XRCC1: variants seen among roughly 807,000 people sequenced by gnomAD.
XRCC1 encodes DNA repair protein XRCC1.
XRCC1 carries 52 observed loss-of-function variants against 83.3 expected under a neutral mutation model. The observed-to-expected ratio is 0.62, with a 90% CI of 0.50 to 0.79. The LOEUF (loss-of-function observed/expected upper bound fraction) is 0.79, where lower values mean the gene tolerates loss of function less well. Among genes scored for constraint, XRCC1 ranks in the 30% least tolerant of loss-of-function variants. The pLI is 0.00. For synonymous variants in XRCC1, 281 were observed against 312.6 expected, an observed-to-expected ratio of 0.90 and a Z score of 1.07; for missense variants, 793 against 823.5, an observed-to-expected ratio of 0.96 and a Z score of 0.45.
chr19:43,546,903 G>C lies in XRCC1; in HGVS notation c.1274C>G (p.Ala425Gly). 1 of 1,614,002 alleles carries C rather than the reference G, an allele frequency of 6.2e-7. No homozygotes were observed. Among genetic ancestry groups the C allele is most frequent in the Non-Finnish European group, 8.5e-7 (1 of 1,179,992 alleles). Residue 425 changes from alanine to glycine, a missense_variant, in exon 11 of 17, where the codon GCC becomes GGC. Transcript: ENST00000262887. ...ASHSGGSGDE[A>G]PKLPQKQPQT... ...TCAGACCTTCTGAGGAAGCTTGGGG[G>C]CTTCATCTCCGCTGCCACCGCTGTG...
In XRCC1 at chr19:43,553,499, G is replaced by T. The variant is rs778597797; in HGVS notation, c.503C>A (p.Thr168Asn). The T allele has an allele frequency of 3.7e-6, 6 of 1,614,134 alleles. No homozygotes were observed. The South Asian group carries it at 6.6e-5, about 18-fold the overall frequency. ...AEAPSQKVTV[T>N]KLGQFRVKEE... ...CTTCACACGGAACTGGCCAAGCTTG[G>T]TCACTGTCACCTTCTAAGGTCCCGC... The change falls in exon 6 of 17, where the codon ACC (threonine) becomes AAC (asparagine). Residue 168 changes from threonine (T) to asparagine (N), a missense_variant. Transcript: ENST00000262887.
At position 43,567,751 on chromosome 19, in the gene XRCC1, G is replaced by A. The variant is rs561102822; in HGVS notation, c.145-6731C>T. ...ACCGATGGCCTGGGTTCGTGTGCAT[G>A]CAGCTTTCTCAGGGAGACACAGTTC... On this transcript the variant is annotated intron_variant, in intron 2 of 16. Transcript: ENST00000262887. Among the ~76,000 whole-genome samples, 13 of 152,250 alleles carry A rather than the reference G, an allele frequency of 8.5e-5. No homozygotes were observed. In the South Asian group the frequency reaches 2.7e-3, roughly 32 times the overall value.
chr19:43,544,169 T>G lies in XRCC1; in HGVS notation c.1687A>C (p.Ile563Leu), dbSNP rs1972484640. The G allele has an allele frequency of 6.2e-7, 1 of 1,610,156 alleles. No homozygotes were observed. Among genetic ancestry groups the G allele is most frequent in the African/African-American group, 1.3e-5 (1 of 74,866 alleles). ...EFPGDERRKLIRYVTAFNGEL... is the reference protein window; with the variant it reads ...EFPGDERRKLLRYVTAFNGEL... ...CCATTGAAGGCTGTGACGTATCGGA[T>G]GAGTTTCCGCCGCTCGTCCCCAGGG... Residue 563 changes from isoleucine (I) to leucine (L), a missense_variant, in exon 15 of 17, where the codon ATC becomes CTC. Physicochemically the swap from Ile to Leu is conservative, Grantham distance 5. Transcript: ENST00000262887.
At chr19:43,567,876 C>CTT (rs71336880) in intron 2 of XRCC1, among the ~76,000 whole-genome samples, 10 of 124,686 alleles carry the variant, frequency 8.0e-5, no homozygotes, top group Admixed American at 5.8e-4. Flanking sequence ...GCAATCTTTT[C>CTT]TTTTTTTTTT....
In XRCC1 at chr19:43,552,095, C is replaced by T. The variant is rs748915793; in HGVS notation, c.1004G>A (p.Arg335His). 1.1e-5 allele frequency: 18 copies of T among 1,613,874 alleles called. No homozygotes were observed. Among genetic ancestry groups the T allele is most frequent in the East Asian group, 2.2e-5 (1 of 44,882 alleles). The change falls in exon 9 of 17, where the codon CGC becomes CAC. Residue 335 changes from arginine to histidine, a missense_variant. By Grantham distance (29) the Arg-to-His change is conservative. Coordinates refer to ENST00000262887, the MANE Select transcript of XRCC1 (RefSeq NM_006297.3). ...VVLSGFQNPF[R>H]SELRDKALEL... Reference sequence around the variant, plus strand: ...TAGGGCCTTATCTCGCAGCTCGGAGCGGAAGGGGTTCTGGAAGCCACTCAG... The same window carrying T: ...TAGGGCCTTATCTCGCAGCTCGGAGTGGAAGGGGTTCTGGAAGCCACTCAG...
intron 10 of XRCC1, among the ~76,000 whole-genome samples, chr19:43,548,784 A>AAAAAAAAAAC (rs752610644): frequency 1.5e-4 from 22 of 142,180 alleles, no homozygotes; most frequent in Non-Finnish European, 2.0e-4. Flanking sequence ...AAAAAAAAAA[A>AAAAAAAAAAC]AACACAACAG....
At chr19:43,550,893 T>G (rs1431139817) in intron 10 of XRCC1, among the ~76,000 whole-genome samples, 2 of 152,234 alleles carry the variant, frequency 1.3e-5, no homozygotes, top group Non-Finnish European at 2.9e-5. Flanking sequence ...GTGAGAAGCC[T>G]TCAAGGGCAG....
chr19:43,567,027 T>C (rs1458239263), intron 2 of XRCC1, among the ~76,000 whole-genome samples: 1 of 152,168 alleles, frequency 6.6e-6, no homozygotes, highest in African/African-American at 2.4e-5. Flanking sequence ...TGCTACAACA[T>C]GGATGAACCT....
In XRCC1 at chr19:43,575,464, C is replaced by T; in HGVS notation, c.-6G>A. On this transcript the variant is annotated 5_prime_UTR_variant, in exon 1 of 17. Transcript: ENST00000262887. ...CGGAGGCGGATCTCCGGCATGTCAA[C>T]GTCGTGGGCTTCGCCTGGCCAGAAG... 1 of 1,611,664 alleles carries T rather than the reference C, an allele frequency of 6.2e-7. No homozygotes were observed. The highest frequency in any genetic ancestry group is 8.5e-7 in the Non-Finnish European group (1 of 1,178,368).
At chr19:43,546,003 C>G in intron 13 of XRCC1, 46 bp from the exon 14 acceptor site, 1 of 1,613,784 alleles carries the variant, frequency 6.2e-7, no homozygotes, top group Non-Finnish European at 8.5e-7. Flanking sequence ...AGAGCAGCCT[C>G]CCCTACACCC....
At chr19:43,556,548 A>C (rs1972637941) in intron 3 of XRCC1, among the ~76,000 whole-genome samples, 1 of 152,210 alleles carries the variant, frequency 6.6e-6, no homozygotes, top group African/African-American at 2.4e-5. Flanking sequence ...TCACGCCTGT[A>C]ATCCCAGCAC....
chr19:43,570,792 A>T (rs1972800544), intron 2 of XRCC1, among the ~76,000 whole-genome samples: 1 of 152,174 alleles, frequency 6.6e-6, no homozygotes. Context: ...CTCAAAACAT[A>T]ACATAACAAC....
chr19:43,547,793 C>T lies in XRCC1; in HGVS notation c.1200-816G>A, dbSNP rs559122190. ...GGGATTACAGGCATGAACCACAGTA[C>T]CCAGAATTCCCCTCCCTCTTGGGGA... On this transcript the variant is annotated intron_variant, in intron 10 of 16. Coordinates refer to ENST00000262887, the MANE Select transcript of XRCC1 (RefSeq NM_006297.3). Among the ~76,000 whole-genome samples the T allele has an allele frequency of 2.6e-5, 4 of 152,266 alleles. No individual in the cohort carries two copies. The South Asian group carries it at 8.3e-4, about 32-fold the overall frequency.
chr19:43,560,363 T>G (rs1007373576), intron 3 of XRCC1, among the ~76,000 whole-genome samples: 1 of 146,550 alleles, frequency 6.8e-6, no homozygotes, highest in Non-Finnish European at 1.5e-5. Context: ...GCCAGTGCAC[T>G]CACTCCAGCC....
chr19:43,561,495 C>T (rs1186153408), intron 2 of XRCC1, among the ~76,000 whole-genome samples: 1 of 152,246 alleles, frequency 6.6e-6, no homozygotes, highest in East Asian at 1.9e-4. Context: ...GTGCTGCACA[C>T]TAGCTGTATG....
At chr19:43,552,624 C>T (rs1306951120) in intron 8 of XRCC1, among the ~76,000 whole-genome samples, 173 bp downstream of exon 8, 1 of 150,362 alleles carries the variant, frequency 6.7e-6, no homozygotes, top group Non-Finnish European at 1.5e-5. Flanking sequence ...GGCCCTCAGC[C>T]CCTCCTCCCT....
chr19:43,551,022 T>C (rs1972569035), intron 10 of XRCC1, among the ~76,000 whole-genome samples: 1 of 152,142 alleles, frequency 6.6e-6, no homozygotes, highest in African/African-American at 2.4e-5. Context: ...TCTCGCTCTG[T>C]CACCCAGGCC....
At position 43,543,454 on chromosome 19, in the gene XRCC1, T is replaced by G; in HGVS notation, c.1840A>C (p.Ser614Arg). The G allele has an allele frequency of 1.2e-6, 2 of 1,613,420 alleles. No individual in the cohort carries two copies. Among genetic ancestry groups the G allele is most frequent in the Non-Finnish European group, 1.7e-6 (2 of 1,179,944 alleles). Residue 614 changes from serine to arginine, a missense_variant, in exon 17 of 17, where the codon AGT becomes CGT. Coordinates refer to ENST00000262887, the MANE Select transcript of XRCC1 (RefSeq NM_006297.3). The part of the protein sequence containing the change: ...LAFVRPRWIY[S>R]CNEKQKLLPH... ...AGTAACTTCTGCTTCTCATTGCAAC[T>G]GTAGATCCATCGGGGACGAACGAAT...
intron 2 of XRCC1, among the ~76,000 whole-genome samples, chr19:43,562,239 G>A (rs1474950939): frequency 1.3e-5 from 2 of 150,894 alleles, no homozygotes; most frequent in African/African-American, 4.9e-5. Context: ...CTGCTCTGTT[G>A]CCTCCCTGTC....
Sources: gnomAD v4.1 joint callset for allele counts (sites outside exome capture counted in the v4.1 genomes callset) on GRCh38, gnomAD v4.1.1 for gene constraint, MANE v1.5 for transcripts, NCBI Gene and HGNC (gene_info 2026-07-23, HGNC 2026-07-21) for gene names.